BCAR3: variants seen among roughly 807,000 people sequenced by gnomAD.
BCAR3 encodes the protein BCAR3 adaptor protein, NSP family member, also known as breast cancer anti-estrogen resistance protein 3.
Under a neutral mutation model 80.1 loss-of-function variants are expected in BCAR3, and 37 were observed. That is an observed-to-expected ratio of 0.46 (90% CI 0.36 to 0.61). The LOEUF (loss-of-function observed/expected upper bound fraction) is 0.61. Ranked by LOEUF, BCAR3 falls within the 20% of genes least tolerant of loss-of-function variation. The probability of loss-of-function intolerance (pLI) is 0.00; values close to 1 mark genes in which losing one functional copy is unlikely to be tolerated. For missense variants in BCAR3, 978 were observed against 1,068.2 expected (o/e 0.92, Z 1.18); for synonymous variants, 389 against 418.9 (o/e 0.93, Z 0.87).
intron 3 of BCAR3, among the ~76,000 whole-genome samples, chr1:93,593,805 C>CTA (rs1674311558): frequency 6.6e-6 from 1 of 152,178 alleles, no homozygotes; most frequent in South Asian, 2.1e-4. Flanking sequence ...TGCTTCTTTG[C>CTA]ACATTGGCCC....
At chr1:93,638,530 T>C (rs1675871169) in intron 3 of BCAR3, among the ~76,000 whole-genome samples, 1 of 152,116 alleles carries the variant, frequency 6.6e-6, no homozygotes, top group African/African-American at 2.4e-5. Flanking sequence ...AAATTCTACT[T>C]CATAATTTTG....
intron 3 of BCAR3, among the ~76,000 whole-genome samples, chr1:93,634,653 C>T (rs1388504897): frequency 6.6e-6 from 1 of 151,880 alleles, no homozygotes; most frequent in Non-Finnish European, 1.5e-5. Context: ...CAAGATCATG[C>T]CACTGCACTC....
At chr1:93,708,428 C>A (rs1317379576) in intron 2 of BCAR3, among the ~76,000 whole-genome samples, 1 of 152,058 alleles carries the variant, frequency 6.6e-6, no homozygotes, top group African/African-American at 2.4e-5. Context: ...TTCTCTCTTT[C>A]TCCCTCATCA....
At chr1:93,576,243 T>G (rs1029053946) in intron 7 of BCAR3, 114 bp from the exon 8 acceptor site, 2 of 726,722 alleles carry the variant, frequency 2.8e-6, no homozygotes, top group Non-Finnish European at 4.8e-6. Flanking sequence ...ACTTTATGAG[T>G]TACATTTCTT....
chr1:93,838,041 G>A (rs751724622), intron 2 of BCAR3, among the ~76,000 whole-genome samples: 1 of 152,192 alleles, frequency 6.6e-6, no homozygotes, highest in Non-Finnish European at 1.5e-5. Flanking sequence ...AATGACAAAC[G>A]CTTGGCCAGC....
chr1:93,584,542 T>C (rs1673864166), intron 5 of BCAR3, among the ~76,000 whole-genome samples: 1 of 152,340 alleles, frequency 6.6e-6, no homozygotes, highest in South Asian at 2.1e-4. Context: ...ACATGCTCCA[T>C]AGTGTTGCAG....
chr1:93,754,741 T>C (rs907991977), intron 2 of BCAR3, among the ~76,000 whole-genome samples: 4 of 152,200 alleles, frequency 2.6e-5, no homozygotes, highest in Admixed American at 6.5e-5. Flanking sequence ...GCCTAGCACA[T>C]ACAATTATGT....
At position 93,589,203 on chromosome 1, in the gene BCAR3, C is replaced by T. The variant is rs376976363; in HGVS notation, c.703G>A (p.Val235Met). 175 of 1,613,848 alleles carry T rather than the reference C, an allele frequency of 1.1e-4. 1 individual carries two copies. Among genetic ancestry groups the T allele is most frequent in the South Asian group, 9.4e-4 (86 of 91,062 alleles). Residue 235 changes from valine to methionine, a missense_variant, in exon 5 of 12, where the codon GTG becomes ATG. By Grantham distance (21) the Val-to-Met change is conservative. Transcript: ENST00000260502. ...TGGGAGATGGGCCGGCGGTTGCCCA[C>T]GTAGCAGCGCACCAGGCCGGGGATG... ...DSIPGLVRCY[V>M]GNRRPISQQS...
intron 9 of BCAR3, among the ~76,000 whole-genome samples, chr1:93,569,622 C>T (rs998766293): frequency 3.3e-5 from 5 of 152,186 alleles, no homozygotes; most frequent in East Asian, 1.9e-4. Context: ...GATGGTGACA[C>T]GCAAAGTAAT....
intron 2 of BCAR3, among the ~76,000 whole-genome samples, chr1:93,821,194 G>C (rs1402421785): frequency 2.0e-5 from 3 of 152,126 alleles, no homozygotes; most frequent in Non-Finnish European, 2.9e-5. Context: ...GGTCTGGGGA[G>C]GGTAAATCGG....
chr1:93,808,828 A>G (rs1471403837), intron 2 of BCAR3, among the ~76,000 whole-genome samples: 3 of 152,234 alleles, frequency 2.0e-5, no homozygotes, highest in African/African-American at 7.2e-5. Context: ...AATATTCTCT[A>G]TTGGGTAGGG....
rs187258492 is a variant in BCAR3, at chr1:93,571,158, C to A, written c.1974+512G>T. Among the ~76,000 whole-genome samples the A allele has an allele frequency of 9.0e-3, 1,366 of 151,168 alleles. 22 individuals carry two copies. Among genetic ancestry groups the A allele is most frequent in the African/African-American group, 0.031 (1,291 of 41,096 alleles). On this transcript the variant is annotated intron_variant, in intron 9 of 11. Transcript: ENST00000260502. ...GACAGAGGTTGCAATGAGCCAAGAT[C>A]ACACCATTGTACTGCAGCCTGGACA...
chr1:93,731,734 T>C (rs1414905427), intron 2 of BCAR3, among the ~76,000 whole-genome samples: 2 of 152,232 alleles, frequency 1.3e-5, no homozygotes, highest in African/African-American at 4.8e-5. Context: ...TCTCTCCCTT[T>C]GGCACAGTGC....
chr1:93,819,038 T>G (rs547359476), intron 2 of BCAR3, among the ~76,000 whole-genome samples: 1 of 152,206 alleles, frequency 6.6e-6, no homozygotes, highest in South Asian at 2.1e-4. Context: ...ATGATCCACA[T>G]GTTGTTATAA....
At chr1:93,720,841 G>T (rs1320505162) in intron 2 of BCAR3, among the ~76,000 whole-genome samples, 1 of 152,166 alleles carries the variant, frequency 6.6e-6, no homozygotes, top group Non-Finnish European at 1.5e-5. Context: ...TCTCACTTGT[G>T]GGGAGGGGAG....
chr1:93,613,866 T>C (rs566457222), intron 3 of BCAR3: 2 of 1,550,426 alleles, frequency 1.3e-6, no homozygotes, highest in Non-Finnish European at 1.7e-6. Context: ...AATGAAAGAC[T>C]TGCGGTGATA....
rs1305200266 is a variant in BCAR3, at chr1:93,589,316, T to C, written c.590A>G (p.Gln197Arg). The change falls in exon 5 of 12, where the codon CAG becomes CGG. Residue 197 changes from glutamine to arginine, a missense_variant. Coordinates refer to ENST00000260502, the MANE Select transcript of BCAR3 (RefSeq NM_003567.4). ...VLTCQWKNLA[Q>R]HFKINRTVLR... ...AACTGTCCGGTTGATTTTGAAGTGC[T>C]GAGCGAGGTTCTTCCACTGACAGGT... 6 of 1,614,202 alleles carry C rather than the reference T, an allele frequency of 3.7e-6. No individual in the cohort carries two copies. Among genetic ancestry groups the C allele is most frequent in the Admixed American group, 3.3e-5 (2 of 60,030 alleles).
chr1:93,663,275 T>A (rs1647747335), intron 2 of BCAR3, among the ~76,000 whole-genome samples: 1 of 152,182 alleles, frequency 6.6e-6, no homozygotes, highest in Admixed American at 6.5e-5. Context: ...ACAATCCTCT[T>A]TTCACTCTGC....
chr1:93,726,627 T>C (rs1650592980), intron 2 of BCAR3, among the ~76,000 whole-genome samples: 1 of 152,224 alleles, frequency 6.6e-6, no homozygotes, highest in African/African-American at 2.4e-5. Flanking sequence ...TCTCACACTT[T>C]TGCCCACAAT....
Sources: gnomAD v4.1 joint callset for allele counts (sites outside exome capture counted in the v4.1 genomes callset) on GRCh38, gnomAD v4.1.1 for gene constraint, MANE v1.5 for transcripts, NCBI Gene and HGNC (gene_info 2026-07-23, HGNC 2026-07-21) for gene names.